RUNX2: variants seen among roughly 807,000 people sequenced by gnomAD.
The protein encoded by RUNX2 is RUNX family transcription factor 2.
In RUNX2, 10 loss-of-function variants were observed where a neutral mutation model predicts 51.7. That is an observed-to-expected ratio of 0.19 (90% CI 0.12 to 0.33). RUNX2 has a LOEUF of 0.33. RUNX2 is among the 10% of genes least tolerant of loss of function. The pLI is 1.00. For missense variants in RUNX2, 562 were observed against 691.3 expected (o/e 0.81, Z 2.10); for synonymous variants, 276 against 273.6 (o/e 1.01, Z -0.09).
intron 2 of RUNX2, among the ~76,000 whole-genome samples, chr6:45,368,855 T>C (rs978382481): frequency 1.3e-5 from 2 of 152,074 alleles, no homozygotes; most frequent in Admixed American, 1.3e-4. Context: ...TTTCATAAAA[T>C]TCCAAAGGCA....
At chr6:45,330,910 T>C (rs1174706403) in intron 2 of RUNX2, among the ~76,000 whole-genome samples, 1 of 151,986 alleles carries the variant, frequency 6.6e-6, no homozygotes, top group Non-Finnish European at 1.5e-5. Context: ...CATTTCCCCA[T>C]TCTATAATCT....
rs912860403 is a variant in RUNX2 at position 45,537,807 on chromosome 6, C to T, written c.1022-7410C>T. Among the ~76,000 whole-genome samples the T allele has an allele frequency of 7.2e-5, 11 of 152,258 alleles. No individual in the cohort carries two copies. In the South Asian group the frequency reaches 1.2e-3, roughly 17 times the overall value. ...GCTACCAAGCCTGAAAGAAACGCTG[C>T]GCAGATTTTTCCACGGGAGCGCCTC... On this transcript the variant is annotated intron_variant, in intron 7 of 8. Transcript: ENST00000647337.
chr6:45,423,586 G>C (rs911252144), intron 3 of RUNX2, among the ~76,000 whole-genome samples: 2 of 151,218 alleles, frequency 1.3e-5, no homozygotes, highest in African/African-American at 4.8e-5. Flanking sequence ...TGCCGGTGCC[G>C]GGCATTAGTG....
intron 7 of RUNX2, among the ~76,000 whole-genome samples, chr6:45,516,020 CCTTT>C (rs1228804944): frequency 1.3e-5 from 2 of 152,166 alleles, no homozygotes; most frequent in African/African-American, 4.8e-5. Flanking sequence ...CAATATTTCA[CCTTT>C]CTTTATTAGT....
At chr6:45,388,097 T>C (rs1173200232) in intron 2 of RUNX2, among the ~76,000 whole-genome samples, 6 of 152,106 alleles carry the variant, frequency 3.9e-5, no homozygotes, top group Admixed American at 3.3e-4. Context: ...TTTGAACACT[T>C]GGGATAGACG....
At position 45,546,881 on chromosome 6, in the gene RUNX2, C is replaced by T. The variant is rs1341793914; in HGVS notation, c.1142C>T (p.Ser381Phe). 6.2e-7 allele frequency: 1 copy of T among 1,614,020 alleles called. No individual in the cohort carries two copies. The highest frequency in any genetic ancestry group is 1.1e-5 in the South Asian group (1 of 91,066). Residue 381 changes from serine (S) to phenylalanine (F), a missense_variant, in exon 9 of 9, where the codon TCC becomes TTC. Coordinates refer to ENST00000647337, the MANE Select transcript of RUNX2 (RefSeq NM_001024630.4). ...SDPRQFPSISSLTESRFSNPR... is the reference protein window; with the variant it reads ...SDPRQFPSISFLTESRFSNPR... ...CCCAGGCAGTTCCCAAGCATTTCATCCCTCACTGAGAGCCGCTTCTCCAAC... is the reference window on the plus strand; with the variant it reads ...CCCAGGCAGTTCCCAAGCATTTCATTCCTCACTGAGAGCCGCTTCTCCAAC...
chr6:45,399,330 CATTTCTTTCTT>C (rs1797648522), intron 2 of RUNX2, among the ~76,000 whole-genome samples: 1 of 130,376 alleles, frequency 7.7e-6, no homozygotes, highest in African/African-American at 2.7e-5. Flanking sequence ...TCTTCTTTCT[CATTTCTTTCTT>C]TTCTTTCCTT....
chr6:45,384,278 G>T (rs76451089), intron 2 of RUNX2, among the ~76,000 whole-genome samples: 17,663 of 151,416 alleles, frequency 0.12, 1,425 homozygotes, highest in East Asian at 0.29. Flanking sequence ...GGTTTTTTTT[G>T]TTTGTTTGTT....
At chr6:45,445,829 CG>C (rs986946899) in intron 5 of RUNX2, among the ~76,000 whole-genome samples, 10 of 78,370 alleles carry the variant, frequency 1.3e-4, no homozygotes, top group African/African-American at 4.9e-4. Flanking sequence ...ATGAGGGGGG[CG>C]GGGGGATGGG....
At chr6:45,359,743 T>C (rs1256717673) in intron 2 of RUNX2, among the ~76,000 whole-genome samples, 1 of 152,184 alleles carries the variant, frequency 6.6e-6, no homozygotes, top group Non-Finnish European at 1.5e-5. Context: ...ACAAATGCTA[T>C]GATAATATAA....
intron 2 of RUNX2, among the ~76,000 whole-genome samples, chr6:45,351,711 A>G (rs1792089700): frequency 6.6e-6 from 1 of 151,986 alleles, no homozygotes; most frequent in South Asian, 2.1e-4. Context: ...TTTCTATTCT[A>G]TCCCTCCCAA....
intron 2 of RUNX2, among the ~76,000 whole-genome samples, chr6:45,391,498 G>T (rs1254485789): frequency 6.6e-6 from 1 of 152,040 alleles, no homozygotes; most frequent in African/African-American, 2.4e-5. Context: ...CCCAGCCTCA[G>T]GTATTTCTTT....
At chr6:45,437,627 T>G (rs186681618) in intron 4 of RUNX2, among the ~76,000 whole-genome samples, 9 of 152,190 alleles carry the variant, frequency 5.9e-5, no homozygotes, top group Non-Finnish European at 1.3e-4. Flanking sequence ...TGGAGAAAAC[T>G]GAAAGAAAAA....
chr6:45,402,596 G>T (rs1281602010), intron 2 of RUNX2, among the ~76,000 whole-genome samples: 1 of 152,164 alleles, frequency 6.6e-6, no homozygotes, highest in African/African-American at 2.4e-5. Context: ...GCTGGGCACG[G>T]TGGCTCACAC....
chr6:45,516,581 T>C (rs1801329098), intron 7 of RUNX2, among the ~76,000 whole-genome samples: 1 of 152,252 alleles, frequency 6.6e-6, no homozygotes, highest in African/African-American at 2.4e-5. Context: ...TTATACATTA[T>C]CTCACTTCAT....
intron 5 of RUNX2, among the ~76,000 whole-genome samples, chr6:45,475,612 T>C (rs2790099): frequency 0.26 from 40,205 of 152,186 alleles, 6,039 homozygotes; most frequent in Non-Finnish European, 0.34. Context: ...TTCTCTAGTA[T>C]TTTAACAATT....
intron 7 of RUNX2, among the ~76,000 whole-genome samples, chr6:45,532,004 A>C (rs189410639): frequency 1.2e-3 from 185 of 152,254 alleles, no homozygotes; most frequent in African/African-American, 4.4e-3. Context: ...AACCTCCTTT[A>C]CTGCTAAATT....
At chr6:45,453,893 C>T (rs1343799) in intron 5 of RUNX2, among the ~76,000 whole-genome samples, 111,740 of 152,184 alleles carry the variant, frequency 0.73, 41,938 homozygotes, top group East Asian at 0.96. Context: ...TAGGAAAGCA[C>T]TGATGGTCCA....
intron 2 of RUNX2, 116 bp from the exon 3 acceptor site, chr6:45,422,477 T>C (rs1267529415): frequency 3.2e-6 from 2 of 624,586 alleles, no homozygotes; most frequent in Non-Finnish European, 5.1e-6. Context: ...TCCATCCTCT[T>C]TCCCCCCGTC....
Sources: gnomAD v4.1 joint callset for allele counts (sites outside exome capture counted in the v4.1 genomes callset) on GRCh38, gnomAD v4.1.1 for gene constraint, MANE v1.5 for transcripts, NCBI Gene and HGNC (gene_info 2026-07-23, HGNC 2026-07-21) for gene names.